Variants in TSHZ2 observed in about 807,000 individuals in gnomAD.
TSHZ2 encodes the protein teashirt homolog 2.
Under a neutral mutation model 74.4 loss-of-function variants are expected in TSHZ2, and 21 were observed. That is an observed-to-expected ratio of 0.28 (90% CI 0.20 to 0.41). The LOEUF is 0.41. TSHZ2 is among the 10% of genes least tolerant of loss of function. TSHZ2 has a pLI of 1.00. For synonymous variants in TSHZ2, 540 were observed against 515.3 expected, an observed-to-expected ratio of 1.05 and a Z score of -0.65; for missense variants, 1,244 against 1,293.5, an observed-to-expected ratio of 0.96 and a Z score of 0.59.
At chr20:53,287,555 C>T (rs1991192302) in intron 2 of TSHZ2, among the ~76,000 whole-genome samples, 1 of 152,204 alleles carries the variant, frequency 6.6e-6, no homozygotes, top group African/African-American at 2.4e-5. Flanking sequence ...GAGTGAGCAG[C>T]TGTTACTTAT....
At chr20:53,101,447 C>T (rs1057113549) in intron 1 of TSHZ2, among the ~76,000 whole-genome samples, 3 of 152,154 alleles carry the variant, frequency 2.0e-5, no homozygotes, top group Non-Finnish European at 4.4e-5. Context: ...TAATATCCCA[C>T]CGTCGTTCTT....
chr20:53,369,432 C>T (rs957035015), intron 2 of TSHZ2, among the ~76,000 whole-genome samples: 2 of 151,860 alleles, frequency 1.3e-5, no homozygotes, highest in African/African-American at 4.8e-5. Flanking sequence ...GGAGGCCGAG[C>T]GCTGTGGCTC....
chr20:53,127,047 AGAAAG>A (rs1986967287), intron 1 of TSHZ2, among the ~76,000 whole-genome samples: 1 of 152,164 alleles, frequency 6.6e-6, no homozygotes, highest in South Asian at 2.1e-4. Flanking sequence ...GAAGAGAAAA[AGAAAG>A]AGGGAGGCAG....
Position 53,239,847 on chromosome 20 carries a change from A to G in TSHZ2, c.41-13652A>G, listed in dbSNP as rs964211627. ...AACATGAAAAATATCAGGGCACAGC[A>G]AGGCTAATTTGTACACATTTATAAA... On this transcript the variant is annotated intron_variant, in intron 1 of 2. Transcript: ENST00000371497. Among the ~76,000 whole-genome samples, 5 of 152,344 alleles carry G rather than the reference A, an allele frequency of 3.3e-5. No individual in the cohort carries two copies. In the South Asian group the frequency reaches 8.3e-4, roughly 25 times the overall value.
intron 2 of TSHZ2, among the ~76,000 whole-genome samples, chr20:53,318,204 G>T (rs957310601): frequency 2.0e-5 from 3 of 152,216 alleles, no homozygotes; most frequent in Admixed American, 2.0e-4. Context: ...ATGCCTAAAA[G>T]TTCAGGAGGT....
intron 2 of TSHZ2, among the ~76,000 whole-genome samples, chr20:53,326,197 T>C (rs1979487191): frequency 6.6e-6 from 1 of 152,246 alleles, no homozygotes; most frequent in Non-Finnish European, 1.5e-5. Flanking sequence ...GAGAATGCAT[T>C]GCTAATGGTG....
rs150596517 is a variant in TSHZ2 at position 53,253,987 on chromosome 20, C to T, written c.529C>T (p.Leu177=). The T allele has an allele frequency of 1.2e-6, 2 of 1,614,162 alleles. No homozygotes were observed. The highest frequency in any genetic ancestry group is 1.1e-5 in the South Asian group (1 of 91,072). The stretch of plus-strand genomic sequence containing the variant: ...GCACCAAGACGCTCTGTCCAAAAGC[C>T]TGCAGCAGAACTTGCCTTCTCGGTC... ...DWHQDALSKS[L]QQNLPSRSVS... Residue 177 remains leucine, a synonymous_variant, in exon 2 of 3, where the codon CTG becomes TTG. Coordinates refer to ENST00000371497, the MANE Select transcript of TSHZ2 (RefSeq NM_173485.6).
At chr20:53,099,294 C>T (rs17390310) in intron 1 of TSHZ2, among the ~76,000 whole-genome samples, 10,161 of 152,236 alleles carry the variant, frequency 0.067, 435 homozygotes, top group Non-Finnish European at 0.1. Context: ...TAGTAAAAGT[C>T]ATAAACCCTA....
chr20:53,227,820 G>C (rs1260388905), intron 1 of TSHZ2, among the ~76,000 whole-genome samples: 1 of 152,064 alleles, frequency 6.6e-6, no homozygotes, highest in East Asian at 1.9e-4. Context: ...TATCAGTACT[G>C]ACTTCAAAGG....
chr20:53,178,452 C>G (rs1027812296), intron 1 of TSHZ2: 1 of 152,274 alleles, frequency 6.6e-6, no homozygotes, highest in African/African-American at 2.4e-5. Flanking sequence ...GCCCCTGACT[C>G]CTCTTGATTG....
At chr20:53,125,798 A>G (rs1373314116) in intron 1 of TSHZ2, among the ~76,000 whole-genome samples, 1 of 152,236 alleles carries the variant, frequency 6.6e-6, no homozygotes, top group Non-Finnish European at 1.5e-5. Context: ...ACATTAGATA[A>G]CCAAATCTAT....
At chr20:53,213,536 A>C (rs1989360731) in intron 1 of TSHZ2, among the ~76,000 whole-genome samples, 2 of 152,078 alleles carry the variant, frequency 1.3e-5, no homozygotes, top group Admixed American at 6.5e-5. Context: ...ACTCTATACC[A>C]TGGGTAAAGC....
intron 1 of TSHZ2, among the ~76,000 whole-genome samples, chr20:53,023,019 C>T (rs1387648247): frequency 2.6e-5 from 4 of 151,982 alleles, no homozygotes; most frequent in Non-Finnish European, 5.9e-5. Flanking sequence ...CTCAGACTAC[C>T]CCCCCACCCA....
At chr20:53,244,387 T>C (rs187338076) in intron 1 of TSHZ2, among the ~76,000 whole-genome samples, 1 of 152,332 alleles carries the variant, frequency 6.6e-6, no homozygotes, top group Non-Finnish European at 1.5e-5. Flanking sequence ...CTCAGTTCTA[T>C]TGTGTAGTTT....
intron 1 of TSHZ2, among the ~76,000 whole-genome samples, chr20:52,995,789 T>TTC (rs917736313): frequency 4.2e-5 from 2 of 47,828 alleles, no homozygotes; most frequent in African/African-American, 1.7e-4. Flanking sequence ...ATTTTTGTAT[T>TTC]TTTTTTTTTT....
intron 1 of TSHZ2, among the ~76,000 whole-genome samples, chr20:53,163,687 A>T (rs1296149104): frequency 6.6e-6 from 1 of 152,040 alleles, no homozygotes; most frequent in Non-Finnish European, 1.5e-5. Context: ...TAGGCAGTCC[A>T]CAAGCCTGCC....
intron 2 of TSHZ2, among the ~76,000 whole-genome samples, chr20:53,403,610 G>A (rs1982747500): frequency 6.6e-6 from 1 of 152,198 alleles, no homozygotes; most frequent in African/African-American, 2.4e-5. Context: ...GCCACCCTGA[G>A]TGTGTGTGCG....
rs1471169115 is a variant in TSHZ2, at chr20:53,492,767, T to G, written c.*5632T>G. The G allele has an allele frequency of 2.6e-5, 4 of 152,222 alleles. No homozygotes were observed. The East Asian group carries it at 5.8e-4, about 22-fold the overall frequency. The allele number at this position is 152,222 out of a possible 1,614,324, so 9.4% of individuals were successfully genotyped here. A position where few individuals can be genotyped will look rare whatever the true frequency, so the allele number is the denominator to read the frequency against. ...TATATTTGCTCCCTTGCATTAATTCTAGATTTTTTTTTAATTTCTTTTAGA... is the reference window on the plus strand; with the variant it reads ...TATATTTGCTCCCTTGCATTAATTCGAGATTTTTTTTTAATTTCTTTTAGA... On this transcript the variant is annotated 3_prime_UTR_variant, in exon 3 of 3. Transcript: ENST00000371497.
chr20:53,152,851 A>G (rs1276305684), intron 1 of TSHZ2, among the ~76,000 whole-genome samples: 1 of 152,244 alleles, frequency 6.6e-6, no homozygotes, highest in African/African-American at 2.4e-5. Context: ...TCAAGTAAAC[A>G]TAATTACATT....
Sources: allele counts gnomAD v4.1 joint callset (sites outside exome capture counted in the v4.1 genomes callset), GRCh38; gene constraint gnomAD v4.1.1; transcripts MANE v1.5; gene names NCBI Gene and HGNC (gene_info 2026-07-23, HGNC 2026-07-21).